AGBL1: variants seen among roughly 807,000 people sequenced by gnomAD.
The protein encoded by AGBL1 is cytosolic carboxypeptidase 4.
AGBL1 carries 130 observed loss-of-function variants against 118.9 expected under a neutral mutation model. That is an observed-to-expected ratio of 1.09 (90% CI 0.95 to 1.26). The LOEUF (loss-of-function observed/expected upper bound fraction) is 1.26. Among genes scored for constraint, AGBL1 ranks in the 50% most tolerant of loss-of-function variants. The probability of loss-of-function intolerance (pLI) is 0.00; values close to 1 mark genes in which losing one functional copy is unlikely to be tolerated. For synonymous variants in AGBL1, 555 were observed against 478.9 expected (o/e 1.16, Z -2.08); for missense variants, 1,584 against 1,298.1 (o/e 1.22, Z -3.38).
chr15:86,406,144 A>G lies in AGBL1; in HGVS notation c.2555+8598A>G, dbSNP rs138071634. On this transcript the variant is annotated intron_variant, in intron 18 of 22. Coordinates refer to ENST00000614907, the MANE Select transcript of AGBL1 (RefSeq NM_001386094.1). ...GGGAGCTGAAGGAGTAGGGATTGAC[A>G]TATTTGATTGCAGCTGCTCTGGTCT... 4.0e-3 allele frequency among the ~76,000 whole-genome samples: 609 copies of G among 152,298 alleles called. 14 individuals carry two copies. The highest frequency in any genetic ancestry group is 0.014 in the Middle Eastern group (4 of 294).
At chr15:86,480,191 G>A (rs1384561510) in intron 18 of AGBL1, among the ~76,000 whole-genome samples, 4 of 151,962 alleles carry the variant, frequency 2.6e-5, no homozygotes, top group Non-Finnish European at 2.9e-5. Flanking sequence ...AAACCTGCAC[G>A]TTGTGCACAT....
At chr15:86,732,610 A>G (rs1276205833) in intron 22 of AGBL1, among the ~76,000 whole-genome samples, 1 of 152,164 alleles carries the variant, frequency 6.6e-6, no homozygotes, top group Non-Finnish European at 1.5e-5. Context: ...ATATGGGGTA[A>G]GTAACAAGGA....
At chr15:86,834,968 G>A (rs576657485) in intron 22 of AGBL1, among the ~76,000 whole-genome samples, 23 of 152,194 alleles carry the variant, frequency 1.5e-4, no homozygotes, top group African/African-American at 5.1e-4. Context: ...CTACTCTAAA[G>A]GCAATCCCAC....
At chr15:86,385,432 A>C (rs995133024) in intron 17 of AGBL1, among the ~76,000 whole-genome samples, 1 of 152,206 alleles carries the variant, frequency 6.6e-6, no homozygotes, top group East Asian at 1.9e-4. Flanking sequence ...GCATCACCTC[A>C]GACTCATTGG....
chr15:86,372,091 G>A (rs2080979424), intron 17 of AGBL1, among the ~76,000 whole-genome samples: 1 of 152,186 alleles, frequency 6.6e-6, no homozygotes, highest in Admixed American at 6.5e-5. Flanking sequence ...AATGTGGCCT[G>A]GGGCCAGGCA....
At chr15:86,432,418 G>A (rs528324008) in intron 18 of AGBL1, among the ~76,000 whole-genome samples, 1 of 152,250 alleles carries the variant, frequency 6.6e-6, no homozygotes, top group South Asian at 2.1e-4. Flanking sequence ...TTTGTAGAAT[G>A]ACCCTTAATT....
intron 22 of AGBL1, among the ~76,000 whole-genome samples, chr15:86,879,612 A>G (rs1487836310): frequency 6.6e-6 from 1 of 152,196 alleles, no homozygotes; most frequent in African/African-American, 2.4e-5. Context: ...TACCGAAGGA[A>G]CTCCCAAAAA....
rs915680569 is a variant in AGBL1, at chr15:86,882,696, G to A, written c.3159-24391G>A. ...CATTATTTTTCTGGATCAATTCAAG[G>A]CCAACTCTGTTTGGATCAGTCTTGT... On this transcript the variant is annotated intron_variant, in intron 22 of 22. Transcript: ENST00000614907. Among the ~76,000 whole-genome samples the A allele has an allele frequency of 3.9e-5, 6 of 152,172 alleles. No individual in the cohort carries two copies. The South Asian group carries it at 1.0e-3, about 26-fold the overall frequency.
chr15:86,900,639 A>G (rs1159096756), intron 22 of AGBL1, among the ~76,000 whole-genome samples: 1 of 149,466 alleles, frequency 6.7e-6, no homozygotes, highest in African/African-American at 2.5e-5. Flanking sequence ...TATATCGACT[A>G]TCTTATATCA....
chr15:86,435,748 C>A (rs541486735), intron 18 of AGBL1, among the ~76,000 whole-genome samples: 1 of 152,104 alleles, frequency 6.6e-6, no homozygotes, highest in Non-Finnish European at 1.5e-5. Flanking sequence ...TACCTCTCTG[C>A]GGCTCGGATT....
chr15:86,145,381 G>C (rs1417383139), intron 3 of AGBL1, among the ~76,000 whole-genome samples: 1 of 152,128 alleles, frequency 6.6e-6, no homozygotes, highest in Non-Finnish European at 1.5e-5. Flanking sequence ...TAAAACTCTA[G>C]AAGTTCTTGG....
intron 22 of AGBL1, among the ~76,000 whole-genome samples, chr15:86,690,535 A>G (rs2086145906): frequency 6.6e-6 from 1 of 152,192 alleles, no homozygotes; most frequent in Non-Finnish European, 1.5e-5. Context: ...CCTTATTAAC[A>G]TGGGTAATCC....
intron 17 of AGBL1, among the ~76,000 whole-genome samples, chr15:86,327,804 G>T (rs957933019): frequency 7.2e-5 from 11 of 152,154 alleles, no homozygotes; most frequent in African/African-American, 2.4e-4. Flanking sequence ...CTTGCTGATG[G>T]AAAAAGCACA....
chr15:86,717,817 C>T (rs945285054), intron 22 of AGBL1, among the ~76,000 whole-genome samples: 9 of 152,140 alleles, frequency 5.9e-5, no homozygotes, highest in African/African-American at 9.7e-5. Context: ...TGGTGGCTCA[C>T]GCCTGTAATC....
intron 21 of AGBL1, among the ~76,000 whole-genome samples, chr15:86,652,756 C>A (rs141934808): frequency 1.3e-5 from 2 of 152,034 alleles, no homozygotes; most frequent in African/African-American, 4.8e-5. Context: ...TTAAATCTCC[C>A]AAAAATGTAT....
intron 6 of AGBL1, among the ~76,000 whole-genome samples, chr15:86,226,997 T>G (rs531960928): frequency 6.6e-6 from 1 of 152,342 alleles, no homozygotes; most frequent in African/African-American, 2.4e-5. Flanking sequence ...AATAAGTATT[T>G]GTTGACTAAA....
At chr15:86,530,653 T>C (rs2083337079) in intron 19 of AGBL1, among the ~76,000 whole-genome samples, 2 of 151,854 alleles carry the variant, frequency 1.3e-5, no homozygotes, top group African/African-American at 2.4e-5. Flanking sequence ...CAACAGAATA[T>C]ACATTCTTCT....
intron 1 of AGBL1, among the ~76,000 whole-genome samples, chr15:86,094,847 T>G (rs551085420): frequency 2.7e-4 from 41 of 152,308 alleles, no homozygotes; most frequent in African/African-American, 9.1e-4. Context: ...GTATCCTACC[T>G]TTAACTTCAA....
At chr15:86,955,820 A>T (rs956481981) in intron 23 of AGBL1, among the ~76,000 whole-genome samples, 2 of 152,104 alleles carry the variant, frequency 1.3e-5, no homozygotes, top group African/African-American at 4.8e-5. Context: ...CTTTCCCTCC[A>T]TAGAAGAAAG....
Sources: gnomAD v4.1 joint callset for allele counts (sites outside exome capture counted in the v4.1 genomes callset) on GRCh38, gnomAD v4.1.1 for gene constraint, MANE v1.5 for transcripts, NCBI Gene and HGNC (gene_info 2026-07-23, HGNC 2026-07-21) for gene names.